Variants in CNTNAP5 observed in about 807,000 individuals in gnomAD.
CNTNAP5 encodes the protein contactin associated protein family member 5.
CNTNAP5 carries 72 observed loss-of-function variants against 150.2 expected under a neutral mutation model. The observed-to-expected ratio is 0.48, with a 90% CI of 0.40 to 0.58. The LOEUF (loss-of-function observed/expected upper bound fraction) is 0.58, where lower values mean the gene tolerates loss of function less well. CNTNAP5 is among the 20% of genes least tolerant of loss of function. The pLI is 0.00. For synonymous variants in CNTNAP5, 672 were observed against 619.8 expected (o/e 1.08, Z -1.25); for missense variants, 1,636 against 1,626.2 (o/e 1.01, Z -0.10).
chr2:124,579,620 T>C (rs1022941035), intron 11 of CNTNAP5, among the ~76,000 whole-genome samples: 2 of 152,230 alleles, frequency 1.3e-5, no homozygotes, highest in African/African-American at 4.8e-5. Context: ...CCTGGTGCAC[T>C]GTATTTTTTC....
intron 3 of CNTNAP5, among the ~76,000 whole-genome samples, chr2:124,340,859 A>G (rs1012591512): frequency 6.1e-5 from 9 of 148,222 alleles, no homozygotes; most frequent in Non-Finnish European, 1.3e-4. Flanking sequence ...GTACACACAC[A>G]CTATATGTAT....
chr2:124,433,277 GTA>G, intron 4 of CNTNAP5, among the ~76,000 whole-genome samples: 1 of 152,266 alleles, frequency 6.6e-6, no homozygotes, highest in Non-Finnish European at 1.5e-5. Flanking sequence ...AAGTCTCTTT[GTA>G]TATGGACAGT....
intron 19 of CNTNAP5, among the ~76,000 whole-genome samples, chr2:124,809,776 A>C (rs1682165281): frequency 3.9e-5 from 6 of 152,220 alleles, no homozygotes. Context: ...AATATCTAAT[A>C]GTATTTACAG....
At chr2:124,486,850 A>G (rs766440369) in intron 7 of CNTNAP5, among the ~76,000 whole-genome samples, 2 of 152,228 alleles carry the variant, frequency 1.3e-5, no homozygotes, top group Non-Finnish European at 2.9e-5. Context: ...ATTAAAATGC[A>G]TTTCTCAGAC....
chr2:124,820,500 T>C (rs1333473533), intron 19 of CNTNAP5, among the ~76,000 whole-genome samples: 1 of 150,848 alleles, frequency 6.6e-6, no homozygotes, highest in African/African-American at 2.4e-5. Context: ...TGCAGCGAAT[T>C]TAGGAGAAAT....
At chr2:124,779,782 A>G (rs60993909) in intron 17 of CNTNAP5, among the ~76,000 whole-genome samples, 4,818 of 152,200 alleles carry the variant, frequency 0.032, 251 homozygotes, top group African/African-American at 0.11. Context: ...ACTCCTCTTC[A>G]TGGATAATGC....
At chr2:124,808,880 A>G (rs1682140301) in intron 19 of CNTNAP5, among the ~76,000 whole-genome samples, 1 of 152,142 alleles carries the variant, frequency 6.6e-6, no homozygotes, top group Non-Finnish European at 1.5e-5. Context: ...AGGTGAAGAT[A>G]CTGGGCTAAA....
chr2:124,706,831 G>C (rs1210855205), intron 13 of CNTNAP5, among the ~76,000 whole-genome samples: 1 of 5,010 alleles, frequency 2.0e-4, no homozygotes, highest in Non-Finnish European at 6.4e-4. Context: ...GGAGGAAGAG[G>C]AGGAGGGGGA....
intron 3 of CNTNAP5, among the ~76,000 whole-genome samples, chr2:124,375,057 T>C (rs1690612110): frequency 6.6e-6 from 1 of 151,920 alleles, no homozygotes; most frequent in Non-Finnish European, 1.5e-5. Flanking sequence ...AGCAGCTCTT[T>C]CTTACAGAGG....
intron 19 of CNTNAP5, among the ~76,000 whole-genome samples, chr2:124,823,900 T>C (rs1682539156): frequency 6.6e-6 from 1 of 151,640 alleles, no homozygotes; most frequent in African/African-American, 2.4e-5. Flanking sequence ...TGGCCATGAG[T>C]GACAGTTCTG....
chr2:124,788,571 TA>T (rs1243290994), intron 17 of CNTNAP5, among the ~76,000 whole-genome samples: 2 of 150,584 alleles, frequency 1.3e-5, no homozygotes, highest in African/African-American at 4.9e-5. Context: ...TATTCTATGT[TA>T]TTTTTTTTCT....
At chr2:124,508,864 T>C (rs554456748) in intron 8 of CNTNAP5, among the ~76,000 whole-genome samples, 1 of 152,346 alleles carries the variant, frequency 6.6e-6, no homozygotes, top group South Asian at 2.1e-4. Context: ...CAAAAACAGT[T>C]TTCTCTTTCC....
At chr2:124,769,195 C>G (rs944084313) in intron 16 of CNTNAP5, among the ~76,000 whole-genome samples, 11 of 152,028 alleles carry the variant, frequency 7.2e-5, no homozygotes, top group Non-Finnish European at 1.5e-4. Context: ...GGTGGTCAGT[C>G]CTGGAAGAAC....
intron 6 of CNTNAP5, among the ~76,000 whole-genome samples, chr2:124,458,511 T>C (rs1693174553): frequency 6.6e-6 from 1 of 151,048 alleles, no homozygotes; most frequent in Admixed American, 6.6e-5. Context: ...ACTTTAGGGG[T>C]TCAAGGGGAA....
Position 124,103,254 on chromosome 2 carries a change from A to C in CNTNAP5, c.82+77522A>C, listed in dbSNP as rs1309856113. ...TTAAGCTCAGTGCCGTTACAAAAGAATCAAAAAGTGAAATAAAATTAAAAA... is the reference window on the plus strand; with the variant it reads ...TTAAGCTCAGTGCCGTTACAAAAGACTCAAAAAGTGAAATAAAATTAAAAA... On this transcript the variant is annotated intron_variant, in intron 1 of 23. Coordinates refer to ENST00000682447, the MANE Select transcript of CNTNAP5 (RefSeq NM_001367498.1). Among the ~76,000 whole-genome samples the C allele has an allele frequency of 3.9e-5, 6 of 152,360 alleles. No individual in the cohort carries two copies. The East Asian group carries it at 1.2e-3, about 29-fold the overall frequency.
intron 1 of CNTNAP5, among the ~76,000 whole-genome samples, chr2:124,095,107 A>G (rs544638154): frequency 3.3e-5 from 5 of 152,352 alleles, no homozygotes; most frequent in African/African-American, 9.6e-5. Flanking sequence ...ATGTCCATCA[A>G]TGATAGACTG....
At chr2:124,703,648 T>C (rs893905743) in intron 13 of CNTNAP5, among the ~76,000 whole-genome samples, 1 of 152,150 alleles carries the variant, frequency 6.6e-6, no homozygotes, top group East Asian at 1.9e-4. Context: ...TTTGGTATAT[T>C]CAAACCATTT....
intron 7 of CNTNAP5, among the ~76,000 whole-genome samples, chr2:124,476,961 A>T (rs1693655419): frequency 6.6e-6 from 1 of 152,132 alleles, no homozygotes; most frequent in African/African-American, 2.4e-5. Context: ...AGATCAGGTT[A>T]AGAGAAAATC....
intron 17 of CNTNAP5, among the ~76,000 whole-genome samples, chr2:124,779,646 T>G (rs942545802): frequency 3.3e-5 from 5 of 152,216 alleles, no homozygotes; most frequent in African/African-American, 1.2e-4. Context: ...ACTTTCTTTT[T>G]CCAAAGCACT....
Sources: allele counts gnomAD v4.1 joint callset (sites outside exome capture counted in the v4.1 genomes callset), GRCh38; gene constraint gnomAD v4.1.1; transcripts MANE v1.5; gene names NCBI Gene and HGNC (gene_info 2026-07-23, HGNC 2026-07-21).